POLI: variants seen among roughly 807,000 people sequenced by gnomAD.
POLI encodes the protein DNA polymerase iota, also known as RAD30 homolog B.
Under a neutral mutation model 51.6 loss-of-function variants are expected in POLI, and 58 were observed. The ratio of observed to expected loss-of-function variants is 1.12; its 90% CI spans 0.91 to 1.40. POLI has a LOEUF of 1.40. POLI is among the 40% of genes most tolerant of loss of function. The probability of loss-of-function intolerance (pLI) is 0.00; values close to 1 mark genes in which losing one functional copy is unlikely to be tolerated. For synonymous variants in POLI, 322 were observed against 299.7 expected, an observed-to-expected ratio of 1.07 and a Z score of -0.77; for missense variants, 921 against 871.3, an observed-to-expected ratio of 1.06 and a Z score of -0.72.
intron 3 of POLI, among the ~76,000 whole-genome samples, chr18:54,317,041 A>G (rs921482758): frequency 6.6e-6 from 1 of 152,208 alleles, no homozygotes; most frequent in Non-Finnish European, 1.5e-5. Context: ...TCTTTTCAAA[A>G]TTCTTTCTAA....
At chr18:54,311,108 T>C in intron 3 of POLI, 1 of 984,638 alleles carries the variant, frequency 1.0e-6, no homozygotes, top group Non-Finnish European at 1.2e-6. Flanking sequence ...TTGAAGAAAG[T>C]GAAATCAGTA....
intron 3 of POLI, among the ~76,000 whole-genome samples, chr18:54,308,044 A>T (rs1322297997): frequency 6.6e-6 from 1 of 152,104 alleles, no homozygotes. Flanking sequence ...CCAATTTGCC[A>T]GTCTATGTCT....
In POLI at chr18:54,271,373, A is replaced by T; in HGVS notation, c.129A>T (p.Gln43His). ...AAASSQGVHD[Q>H]VLPTPNASSR... ...CATATTGTGCAGGAGTTCATGATCAAGTGTTGCCCACACCAAATGCTTCAT... is the reference window on the plus strand; with the variant it reads ...CATATTGTGCAGGAGTTCATGATCATGTGTTGCCCACACCAAATGCTTCAT... The change falls in exon 2 of 10, where the codon CAA (glutamine) becomes CAT (histidine). Residue 43 changes from glutamine (Q) to histidine (H), a missense_variant. Transcript: ENST00000579534. The T allele has an allele frequency of 6.2e-7, 1 of 1,611,940 alleles. No individual in the cohort carries two copies. The highest frequency in any genetic ancestry group is 2.2e-5 in the East Asian group (1 of 44,820).
chr18:54,314,196 A>C (rs1279564021), intron 3 of POLI, among the ~76,000 whole-genome samples: 1 of 152,126 alleles, frequency 6.6e-6, no homozygotes, highest in East Asian at 1.9e-4. Context: ...TTCTGGATCC[A>C]TTGAGATGAT....
At position 54,276,032 on chromosome 18, in the gene POLI, A is replaced by C. The variant is rs2087224611; in HGVS notation, c.407-1671A>C. 4.0e-5 allele frequency among the ~76,000 whole-genome samples: 6 copies of C among 150,282 alleles called. No homozygotes were observed. In the South Asian group the frequency reaches 1.3e-3, roughly 32 times the overall value. ...CCTCTTTTGGGCCCTATATAATTAT[A>C]TGTTTAATAAATGTATCTTGCTTAT... On this transcript the variant is annotated intron_variant, in intron 3 of 9. Coordinates refer to ENST00000579534, the MANE Select transcript of POLI (RefSeq NM_007195.3).
At chr18:54,278,882 T>C (rs761167856) in intron 4 of POLI, among the ~76,000 whole-genome samples, 8 of 152,208 alleles carry the variant, frequency 5.3e-5, no homozygotes, top group Non-Finnish European at 1.0e-4. Context: ...TTTCCTCTTA[T>C]CCTCTTTTTT....
chr18:54,312,091 C>G (rs900436999), intron 3 of POLI, among the ~76,000 whole-genome samples: 1 of 152,100 alleles, frequency 6.6e-6, no homozygotes, highest in Non-Finnish European at 1.5e-5. Flanking sequence ...TTTTTCAACC[C>G]TTGATCCCCT....
At chr18:54,289,201 T>G (rs1363996520) in intron 8 of POLI, among the ~76,000 whole-genome samples, 3 of 151,456 alleles carry the variant, frequency 2.0e-5, no homozygotes, top group Non-Finnish European at 2.9e-5. Flanking sequence ...CTCAAGTGTT[T>G]TTTTTTTTTT....
At chr18:54,281,802 A>G (rs2087512660) in intron 5 of POLI, among the ~76,000 whole-genome samples, 1 of 150,266 alleles carries the variant, frequency 6.7e-6, no homozygotes. Context: ...CAAATTGCCA[A>G]CCTTCTTTTT....
At chr18:54,288,062 G>C (rs1294762214) in intron 8 of POLI, among the ~76,000 whole-genome samples, 1 of 152,180 alleles carries the variant, frequency 6.6e-6, no homozygotes, top group African/African-American at 2.4e-5. Flanking sequence ...TTCAAAGAGT[G>C]GAATTGCTGG....
At chr18:54,311,481 A>G (rs1382518074) in intron 3 of POLI, among the ~76,000 whole-genome samples, 1 of 152,234 alleles carries the variant, frequency 6.6e-6, no homozygotes, top group Non-Finnish European at 1.5e-5. Context: ...GTTTCAAATT[A>G]CCAACTTGTA....
Position 54,269,559 on chromosome 18 carries a change from GGGGTGGAGCCGGA to G in POLI, c.16_28del (p.Val6ArgfsTer46), listed in dbSNP as rs771048736. ...TGGCAGCGGCGGGATGGAGAAGCTG[GGGGTGGAGCCGGA>G]GGAGGAAGGCGGCGGCGACGACGAC... is the stretch of plus-strand genomic sequence containing the variant. On this transcript the variant is annotated frameshift_variant, in exon 1 of 10. Transcript: ENST00000579534. LOFTEE classifies it high-confidence loss of function. 11 of 1,502,594 alleles carry G rather than the reference GGGGTGGAGCCGGA, an allele frequency of 7.3e-6. No homozygotes were observed. The Middle Eastern group carries it at 9.1e-4, about 125-fold the overall frequency. 93.1% of individuals were successfully genotyped at this position (1,502,594 alleles called of 1,614,324 possible). A position where few individuals can be genotyped will look rare whatever the true frequency, so the allele number is the denominator to read the frequency against.
At chr18:54,276,647 A>G (rs887427397) in intron 3 of POLI, among the ~76,000 whole-genome samples, 1 of 152,238 alleles carries the variant, frequency 6.6e-6, no homozygotes, top group Non-Finnish European at 1.5e-5. Flanking sequence ...CTTTGATTAG[A>G]CATATTGTCA....
At chr18:54,305,959 T>C (rs1295517424) in intron 3 of POLI, among the ~76,000 whole-genome samples, 1 of 152,092 alleles carries the variant, frequency 6.6e-6, no homozygotes, top group African/African-American at 2.4e-5. Flanking sequence ...GGGGTTTCAC[T>C]GTGTTACTCA....
chr18:54,289,042 T>C (rs1004257107), intron 8 of POLI, among the ~76,000 whole-genome samples: 1 of 152,146 alleles, frequency 6.6e-6, no homozygotes, highest in Non-Finnish European at 1.5e-5. Flanking sequence ...CTGAACCTCA[T>C]AGATAATGTA....
chr18:54,282,136 T>C (rs551626), intron 5 of POLI, among the ~76,000 whole-genome samples: 10,044 of 152,216 alleles, frequency 0.066, 386 homozygotes, highest in African/African-American at 0.077. Context: ...ATCAGTTAGG[T>C]TACCTAATAT....
At position 54,295,114 on chromosome 18, in the gene POLI, T is replaced by C; in HGVS notation, c.*647T>C. 8.1e-6 allele frequency: 8 copies of C among 985,494 alleles called. No homozygotes were observed. The highest frequency in any genetic ancestry group is 9.6e-6 in the Non-Finnish European group (8 of 829,994). The allele number at this position is 985,494 out of a possible 1,614,324, so 61.0% of individuals were successfully genotyped here. Reference sequence around the variant, plus strand: ...GGAGTTAAAGTGAGAGGAGGGTATATGTTATAGAGAACAGTGGTAGAAGGA... The same window carrying C: ...GGAGTTAAAGTGAGAGGAGGGTATACGTTATAGAGAACAGTGGTAGAAGGA... On this transcript the variant is annotated 3_prime_UTR_variant, in exon 10 of 10. Coordinates refer to ENST00000579534, the MANE Select transcript of POLI (RefSeq NM_007195.3).
chr18:54,297,211 A>G lies in POLI; in HGVS notation c.*2744A>G. On this transcript the variant is annotated 3_prime_UTR_variant, in exon 10 of 10. Coordinates refer to ENST00000579534, the MANE Select transcript of POLI (RefSeq NM_007195.3). Reference sequence around the variant, plus strand: ...CTGTTAGCTATCTGCCTCCAGGGATAAACCCCATCTTTCAAGCTTGCTTCT... The same window carrying G: ...CTGTTAGCTATCTGCCTCCAGGGATGAACCCCATCTTTCAAGCTTGCTTCT... The G allele has an allele frequency of 1.0e-6, 1 of 984,816 alleles. No individual in the cohort carries two copies. The allele number at this position is 984,816 out of a possible 1,614,324, so 61.0% of individuals were successfully genotyped here.
At chr18:54,274,191 T>A in intron 3 of POLI, 101 bp downstream of exon 3, 1 of 547,216 alleles carries the variant, frequency 1.8e-6, no homozygotes, top group Non-Finnish European at 2.9e-6. Flanking sequence ...TAAGTCAAGA[T>A]GCTTTTTCCT....
Sources: allele counts gnomAD v4.1 joint callset (sites outside exome capture counted in the v4.1 genomes callset), GRCh38; gene constraint gnomAD v4.1.1; transcripts MANE v1.5; gene names NCBI Gene and HGNC (gene_info 2026-07-23, HGNC 2026-07-21).